The following MPHOSPH9 variants were observed in gnomAD, a reference collection of about 807,000 sequenced individuals.
The protein encoded by MPHOSPH9 is M-phase phosphoprotein 9.
MPHOSPH9 carries 88 observed loss-of-function variants against 145.5 expected under a neutral mutation model. That is an observed-to-expected ratio of 0.60 (90% confidence interval 0.51 to 0.72). MPHOSPH9 has a LOEUF of 0.72. MPHOSPH9 is among the 30% of genes least tolerant of loss of function. The probability of loss-of-function intolerance (pLI) is 0.00; values close to 1 mark genes in which losing one functional copy is unlikely to be tolerated. For synonymous variants in MPHOSPH9, 435 were observed against 486.2 expected (o/e 0.89, Z 1.39); for missense variants, 1,238 against 1,386.6 (o/e 0.89, Z 1.70).
At chr12:123,175,312 G>A (rs564891901) in intron 16 of MPHOSPH9, among the ~76,000 whole-genome samples, 2 of 152,080 alleles carry the variant, frequency 1.3e-5, no homozygotes, top group South Asian at 2.1e-4. Context: ...CACCGCGCCC[G>A]GCTAATTTTT....
Position 123,218,392 on chromosome 12 carries a change from T to C in MPHOSPH9, c.980A>G (p.Lys327Arg), listed in dbSNP as rs753810712. 17 of 1,614,010 alleles carry C rather than the reference T, an allele frequency of 1.1e-5. No homozygotes were observed. In the African/African-American group the frequency reaches 1.9e-4, roughly 18 times the overall value. ...GTCACCTACTTTCTCAATTGGTGTCTTCTTACTTTGCTCATTTCCTTGTTT... is the reference window on the plus strand; with the variant it reads ...GTCACCTACTTTCTCAATTGGTGTCCTCTTACTTTGCTCATTTCCTTGTTT... Reference protein sequence around the residue: ...RSKQGNEQSKKTPIEKSDFAA... With the variant: ...RSKQGNEQSKRTPIEKSDFAA... Residue 327 changes from lysine to arginine, a missense_variant, in exon 6 of 24, where the codon AAG (lysine) becomes AGG (arginine). Lys to Arg is a conservative substitution (Grantham distance 26). This residue lies in a region of MPHOSPH9 where 837 missense variants were observed against 897.5 expected (regional missense o/e 0.93). Coordinates refer to ENST00000606320, the MANE Select transcript of MPHOSPH9 (RefSeq NM_022782.4).
chr12:123,203,652 C>G (rs553169798), intron 8 of MPHOSPH9, among the ~76,000 whole-genome samples: 4 of 152,146 alleles, frequency 2.6e-5, no homozygotes, highest in African/African-American at 9.6e-5. Context: ...TAATGAAATT[C>G]TTAGTAGTTC....
intron 13 of MPHOSPH9, among the ~76,000 whole-genome samples, chr12:123,183,681 C>G (rs191724037): frequency 3.2e-4 from 48 of 151,996 alleles, no homozygotes; most frequent in African/African-American, 1.1e-3. Flanking sequence ...GTGAGAGATG[C>G]CCACCTTGAA....
intron 8 of MPHOSPH9, among the ~76,000 whole-genome samples, chr12:123,208,340 C>T (rs2046539832): frequency 6.6e-6 from 1 of 151,520 alleles, no homozygotes; most frequent in African/African-American, 2.4e-5. Context: ...AGATCGAGAC[C>T]ATCCTGACCA....
chr12:123,198,809 C>CAAAAA (rs35259138), intron 11 of MPHOSPH9, among the ~76,000 whole-genome samples: 14 of 48,546 alleles, frequency 2.9e-4, no homozygotes, highest in South Asian at 2.2e-3. Context: ...GAACCTGTCT[C>CAAAAA]AAAAAAAAAA....
At chr12:123,153,892 G>A (rs1055056486), downstream of MPHOSPH9, among the ~76,000 whole-genome samples, 37 of 149,888 alleles carry the variant, frequency 2.5e-4, no homozygotes, top group Admixed American at 8.7e-4. Flanking sequence ...CTTAATGAAA[G>A]GAGTTTTCTT....
chr12:123,221,061 C>T (rs955076213), intron 5 of MPHOSPH9, among the ~76,000 whole-genome samples: 10 of 152,046 alleles, frequency 6.6e-5, no homozygotes, highest in African/African-American at 2.2e-4. Context: ...TCTCAAAAAA[C>T]GAAAAAAAAT....
rs373014736 is a variant in MPHOSPH9 at position 123,218,580 on chromosome 12, C to T, written c.873-81G>A. 4.1e-5 allele frequency: 57 copies of T among 1,384,158 alleles called. No homozygotes were observed. In the East Asian group the frequency reaches 6.4e-4, roughly 15 times the overall value. 85.7% of individuals were successfully genotyped at this position (1,384,158 alleles called of 1,614,324 possible). ...TTGCTGTGTCGCCCAGGCTGGAGTA[C>T]GGTGGCGCAATCTCAGTTCACTGCA... On this transcript the variant is annotated intron_variant, in intron 5 of 23. Transcript: ENST00000606320.
chr12:123,226,435 T>C, intron 3 of MPHOSPH9: 2 of 421,932 alleles, frequency 4.7e-6, no homozygotes, highest in Non-Finnish European at 6.9e-6. Context: ...TTAATAATGG[T>C]TTAAACATTT....
chr12:123,206,506 GGAGAGGAGAAGAGAA>G lies in MPHOSPH9; in HGVS notation c.1195-3146_1195-3132del, dbSNP rs1464682408. On this transcript the variant is annotated intron_variant, in intron 8 of 23. Transcript: ENST00000606320. ...GAAGAGGAGAAGAGAAGAGAGGAGAGGAGAGGAGAAGAGAAGAGAAGAGATGAGAAGAGAAGAGTA... is the reference window on the plus strand; with the variant it reads ...GAAGAGGAGAAGAGAAGAGAGGAGAGGAGAAGAGATGAGAAGAGAAGAGTA... Among the ~76,000 whole-genome samples, 11 of 111,554 alleles carry G rather than the reference GGAGAGGAGAAGAGAA, an allele frequency of 9.9e-5. No homozygotes were observed. In the Admixed American group the frequency reaches 1.0e-3, roughly 10 times the overall value. 73.2% of individuals were successfully genotyped at this position (111,554 alleles called of 152,430 possible). A position where few individuals can be genotyped will look rare whatever the true frequency, so the allele number is the denominator to read the frequency against.
At chr12:123,171,246 G>A (rs1227144968) in intron 16 of MPHOSPH9, among the ~76,000 whole-genome samples, 1 of 151,952 alleles carries the variant, frequency 6.6e-6, no homozygotes, top group Non-Finnish European at 1.5e-5. Context: ...TTGAGGTCAG[G>A]AGTTCGAGAC....
chr12:123,161,321 C>G lies in MPHOSPH9; in HGVS notation c.3196G>C (p.Val1066Leu). Residue 1066 changes from valine to leucine, a missense_variant, in exon 22 of 24, where the codon GTG becomes CTG. By Grantham distance (32) the Val-to-Leu change is conservative. Coordinates refer to ENST00000606320, the MANE Select transcript of MPHOSPH9 (RefSeq NM_022782.4). ...HVNHSSCPEP[V>L]PNGVKKVSVR... The stretch of plus-strand genomic sequence containing the variant: ...GATACTTTCTTCACTCCATTTGGCA[C>G]CGGTTCAGGGCAAGAGCTATGATTA... The G allele has an allele frequency of 6.2e-7, 1 of 1,614,070 alleles. No individual in the cohort carries two copies. Among genetic ancestry groups the G allele is most frequent in the East Asian group, 2.2e-5 (1 of 44,882 alleles).
intron 11 of MPHOSPH9, 112 bp from the exon 12 acceptor site, chr12:123,198,446 T>TA: frequency 1.2e-6 from 1 of 812,302 alleles, no homozygotes. Flanking sequence ...TCTCCAGTGT[T>TA]AACTAAGACT....
At chr12:123,219,395 G>A (rs1442771996) in intron 5 of MPHOSPH9, among the ~76,000 whole-genome samples, 1 of 150,292 alleles carries the variant, frequency 6.7e-6, no homozygotes, top group Non-Finnish European at 1.5e-5. Context: ...TCAGGAGATC[G>A]AGACCATCCT....
At chr12:123,234,427 T>C (rs558928477), upstream of MPHOSPH9, among the ~76,000 whole-genome samples, 1 of 152,156 alleles carries the variant, frequency 6.6e-6, no homozygotes, top group African/African-American at 2.4e-5. Flanking sequence ...ACAAGGTCTC[T>C]CTCTGTCACC....
At chr12:123,241,330 T>G (rs902249294) in intron 1 of MPHOSPH9, among the ~76,000 whole-genome samples, 8 of 151,904 alleles carry the variant, frequency 5.3e-5, no homozygotes, top group African/African-American at 1.2e-4. Flanking sequence ...TTTACTGTTT[T>G]TTGTTGTTGT....
intron 2 of MPHOSPH9, 27 bp from the exon 3 acceptor site, chr12:123,227,643 G>A: frequency 2.0e-6 from 3 of 1,474,882 alleles, no homozygotes; most frequent in Admixed American, 2.4e-5. Flanking sequence ...AATTCAAATG[G>A]TTTTCTTCAT....
At chr12:123,204,381 A>G (rs2046339327) in intron 8 of MPHOSPH9, among the ~76,000 whole-genome samples, 1 of 152,142 alleles carries the variant, frequency 6.6e-6, no homozygotes, top group South Asian at 2.1e-4. Context: ...AATTAATTTC[A>G]TATGGCTGAA....
rs1248325077 is a variant in MPHOSPH9, at chr12:123,161,220, C to A, written c.3297G>T (p.Gly1099=). 1.2e-6 allele frequency: 2 copies of A among 1,614,156 alleles called. No homozygotes were observed. Among genetic ancestry groups the A allele is most frequent in the South Asian group, 1.1e-5 (1 of 91,076 alleles). ...QCKPVSVTPQ[G]NDFEYTAKIR... The stretch of plus-strand genomic sequence containing the variant: ...TTTTTGCTGTATATTCAAAATCATT[C>A]CCCTGTGGAGTGACTGAAACCGGCT... The change falls in exon 22 of 24, where the codon GGG becomes GGT. Residue 1099 remains glycine (G), a synonymous_variant. Coordinates refer to ENST00000606320, the MANE Select transcript of MPHOSPH9 (RefSeq NM_022782.4).
Sources: gnomAD v4.1 joint callset for allele counts (sites outside exome capture counted in the v4.1 genomes callset) on GRCh38, gnomAD v4.1.1 for gene constraint, gnomAD v4.1.1 regional missense constraint, MANE v1.5 for transcripts, NCBI Gene and HGNC (gene_info 2026-07-23, HGNC 2026-07-21) for gene names.